Variants in MYO18B observed in about 807,000 individuals in gnomAD.
The protein encoded by MYO18B is unconventional myosin-XVIIIb.
A neutral mutation model predicts 273.0 loss-of-function variants in MYO18B; 204 were observed. That is an observed-to-expected ratio of 0.75 (90% CI 0.67 to 0.84). The LOEUF is 0.84. MYO18B is among the 40% of genes least tolerant of loss of function. The probability of loss-of-function intolerance (pLI) is 0.00; values close to 1 mark genes in which losing one functional copy is unlikely to be tolerated. For synonymous variants in MYO18B, 1,330 were observed against 1,305.7 expected, an observed-to-expected ratio of 1.02 and a Z score of -0.40; for missense variants, 3,212 against 3,287.6, an observed-to-expected ratio of 0.98 and a Z score of 0.56.
intron 39 of MYO18B, among the ~76,000 whole-genome samples, chr22:25,977,923 G>A (rs899609508): frequency 1.3e-5 from 2 of 152,178 alleles, no homozygotes; most frequent in African/African-American, 2.4e-5. Flanking sequence ...CGTTGCAAAT[G>A]GTGGAGCTGG....
At chr22:26,010,730 A>G (rs1054633229) in intron 42 of MYO18B, among the ~76,000 whole-genome samples, 1 of 152,168 alleles carries the variant, frequency 6.6e-6, no homozygotes, top group South Asian at 2.1e-4. Context: ...GGATGCTGAC[A>G]GGCAGGACCA....
chr22:25,767,696 CTGT>C (rs1486325777), intron 3 of MYO18B, among the ~76,000 whole-genome samples: 1 of 152,228 alleles, frequency 6.6e-6, no homozygotes, highest in Non-Finnish European at 1.5e-5. Flanking sequence ...GCAGCAGCTA[CTGT>C]TGTTGAGGAC....
At chr22:25,885,266 A>G (rs551947272) in intron 25 of MYO18B, among the ~76,000 whole-genome samples, 3 of 152,352 alleles carry the variant, frequency 2.0e-5, no homozygotes, top group East Asian at 3.9e-4. Flanking sequence ...AGGGAAGCCC[A>G]GAGAGCTGAA....
chr22:25,765,970 G>A (rs1314784517), intron 3 of MYO18B, among the ~76,000 whole-genome samples: 3 of 152,196 alleles, frequency 2.0e-5, no homozygotes, highest in Non-Finnish European at 2.9e-5. Context: ...GAAGCTACTC[G>A]GCCTTGGGCC....
chr22:25,772,370 G>A lies in MYO18B; in HGVS notation c.1729G>A (p.Ala577Thr). 1.2e-6 allele frequency: 2 copies of A among 1,613,964 alleles called. No homozygotes were observed. The highest frequency in any genetic ancestry group is 1.7e-6 in the Non-Finnish European group (2 of 1,179,868). The change falls in exon 7 of 44, where the codon GCC becomes ACC. Residue 577 changes from alanine (A) to threonine (T), a missense_variant. Coordinates refer to ENST00000335473, the MANE Select transcript of MYO18B (RefSeq NM_032608.7). Reference sequence around the variant, plus strand: ...TGAGCTGGACCAGGTCGAGGACCTGGCCTCTCTCATCAGTGTCAACGAATC... The same window carrying A: ...TGAGCTGGACCAGGTCGAGGACCTGACCTCTCTCATCAGTGTCAACGAATC... ...PPELDQVEDLASLISVNESSV... is the reference protein window; with the variant it reads ...PPELDQVEDLTSLISVNESSV...
chr22:26,002,245 A>G (rs182106173), intron 40 of MYO18B, among the ~76,000 whole-genome samples: 9 of 152,330 alleles, frequency 5.9e-5, no homozygotes, highest in African/African-American at 1.7e-4. Flanking sequence ...AAAAATCTCT[A>G]TTTATAAAAA....
intron 1 of MYO18B, among the ~76,000 whole-genome samples, chr22:25,755,771 C>A (rs764558895): frequency 6.6e-6 from 1 of 152,214 alleles, no homozygotes; most frequent in Non-Finnish European, 1.5e-5. Context: ...CGCTCCCTCT[C>A]TCATCACGTG....
chr22:25,942,979 TAG>T (rs975192531), intron 34 of MYO18B, among the ~76,000 whole-genome samples: 1 of 152,038 alleles, frequency 6.6e-6, no homozygotes, highest in African/African-American at 2.4e-5. Context: ...GGGATAAAAA[TAG>T]AGTCTCCTTT....
chr22:25,786,862 A>C (rs145992177), intron 11 of MYO18B, among the ~76,000 whole-genome samples: 1 of 152,134 alleles, frequency 6.6e-6, no homozygotes, highest in South Asian at 2.1e-4. Context: ...GGAACATACA[A>C]AAAAAATGTA....
At chr22:25,907,965 G>A (rs962435455) in intron 31 of MYO18B, among the ~76,000 whole-genome samples, 4 of 151,758 alleles carry the variant, frequency 2.6e-5, no homozygotes, top group African/African-American at 9.7e-5. Context: ...GCCAGGAGGT[G>A]GAGGTTGTGG....
intron 39 of MYO18B, among the ~76,000 whole-genome samples, chr22:25,966,678 A>T (rs1368512089): frequency 6.6e-6 from 1 of 152,184 alleles, no homozygotes; most frequent in Non-Finnish European, 1.5e-5. Flanking sequence ...GAGAGCTGAC[A>T]GGGGAACCCG....
At chr22:25,848,541 T>C (rs2090327678) in intron 20 of MYO18B, among the ~76,000 whole-genome samples, 1 of 152,204 alleles carries the variant, frequency 6.6e-6, no homozygotes, top group African/African-American at 2.4e-5. Context: ...AGGCTGGGAA[T>C]GCCTCTGTTG....
chr22:25,768,818 A>T lies in MYO18B; in HGVS notation c.902A>T (p.Asp301Val). 6.2e-7 allele frequency: 1 copy of T among 1,611,084 alleles called. No homozygotes were observed. The highest frequency in any genetic ancestry group is 8.5e-7 in the Non-Finnish European group (1 of 1,178,612). The part of the protein sequence containing the change: ...NTVEKGNVSK[D>V]VGSEGKHVRP... The stretch of plus-strand genomic sequence containing the variant: ...GTGGAAAAGGGGAATGTCTCTAAGG[A>T]CGTAGGGAGTGAAGGGAAGCACGTA... Residue 301 changes from aspartate (D) to valine (V), a missense_variant, in exon 4 of 44, where the codon GAC becomes GTC. Coordinates refer to ENST00000335473, the MANE Select transcript of MYO18B (RefSeq NM_032608.7).
intron 21 of MYO18B, among the ~76,000 whole-genome samples, chr22:25,853,182 C>T (rs539792680): frequency 1.3e-5 from 2 of 152,318 alleles, no homozygotes; most frequent in South Asian, 2.1e-4. Flanking sequence ...AAATCCAGGG[C>T]GATGACACAC....
Position 25,772,394 on chromosome 22 carries a change from T to C in MYO18B, c.1753T>C (p.Ser585Pro). ...DLASLISVNE[S>P]SVLNTLLQRY... is the part of the protein sequence containing the mutation. ...GGCCTCTCTCATCAGTGTCAACGAA[T>C]CCAGTGTCCTGAACACGCTTCTGCA... Residue 585 changes from serine to proline, a missense_variant, in exon 7 of 44, where the codon TCC becomes CCC. Ser to Pro is a moderately conservative substitution (Grantham distance 74). Transcript: ENST00000335473. The C allele has an allele frequency of 6.2e-7, 1 of 1,613,972 alleles. No homozygotes were observed. The highest frequency in any genetic ancestry group is 8.5e-7 in the Non-Finnish European group (1 of 1,179,880).
At position 25,902,995 on chromosome 22, in the gene MYO18B, A is replaced by T. The variant is rs2091968825; in HGVS notation, c.4947+259A>T. ...GTTCCGAGGTGCTTACCTGGGAGGT[A>T]TAACAGGCTCAGCAGAGAATGAGTT... On this transcript the variant is annotated intron_variant, in intron 30 of 43. Coordinates refer to ENST00000335473, the MANE Select transcript of MYO18B (RefSeq NM_032608.7). 2.4e-5 allele frequency: 10 copies of T among 411,032 alleles called. No individual in the cohort carries two copies. The South Asian group carries it at 2.5e-4, about 10-fold the overall frequency. The allele number at this position is 411,032 out of a possible 1,614,324, so 25.5% of individuals were successfully genotyped here.
At chr22:25,895,927 T>C (rs1189081490) in intron 28 of MYO18B, among the ~76,000 whole-genome samples, 1 of 152,134 alleles carries the variant, frequency 6.6e-6, no homozygotes, top group Non-Finnish European at 1.5e-5. Context: ...GTGGAATGTT[T>C]TTTTTTTTTT....
chr22:25,747,649 C>T (rs562730036), intron 1 of MYO18B, among the ~76,000 whole-genome samples: 3 of 152,264 alleles, frequency 2.0e-5, no homozygotes, highest in South Asian at 2.1e-4. Context: ...GAAACACCCA[C>T]TGCATGATTT....
chr22:25,968,138 C>T (rs1432050233), intron 39 of MYO18B, among the ~76,000 whole-genome samples: 6 of 152,150 alleles, frequency 3.9e-5, no homozygotes, highest in Admixed American at 3.9e-4. Flanking sequence ...AGGGCCCCTT[C>T]CACCCAGCGG....
Sources: allele counts gnomAD v4.1 joint callset (sites outside exome capture counted in the v4.1 genomes callset), GRCh38; gene constraint gnomAD v4.1.1; transcripts MANE v1.5; gene names NCBI Gene and HGNC (gene_info 2026-07-23, HGNC 2026-07-21).